The following ISM1 variants were observed in gnomAD, a reference collection of about 807,000 sequenced individuals.
ISM1 encodes the protein isthmin-1.
Under a neutral mutation model 46.3 loss-of-function variants are expected in ISM1, and 25 were observed. The observed-to-expected ratio is 0.54, with a 90% CI of 0.39 to 0.75. The LOEUF is 0.75. ISM1 is among the 30% of genes least tolerant of loss of function. The pLI, the probability that ISM1 is intolerant of heterozygous loss-of-function variation, is 0.00. For missense variants in ISM1, 536 were observed against 625.4 expected (o/e 0.86, Z 1.52); for synonymous variants, 255 against 256.7 (o/e 0.99, Z 0.06).
chr20:13,257,332 T>C (rs1037066008), intron 1 of ISM1, among the ~76,000 whole-genome samples: 1 of 152,074 alleles, frequency 6.6e-6, no homozygotes. Context: ...CTGGCCAACA[T>C]GGTGAAAACC....
chr20:13,221,824 G>A lies in ISM1; in HGVS notation c.48G>A (p.Leu16=). The A allele has an allele frequency of 6.9e-7, 1 of 1,458,698 alleles. No homozygotes were observed. The highest frequency in any genetic ancestry group is 9.0e-7 in the Non-Finnish European group (1 of 1,111,266). 90.4% of individuals were successfully genotyped at this position (1,458,698 alleles called of 1,614,324 possible). A position where few individuals can be genotyped will look rare whatever the true frequency, so the allele number is the denominator to read the frequency against. The part of the protein sequence containing the change: ...AELLLLLGLL[L]LTLHITVLRG... The stretch of plus-strand genomic sequence containing the variant: ...TGCTGCTGCTGCTGGGGCTGCTGCT[G>A]CTCACGCTGCACATCACCGTGCTGC... The change falls in exon 1 of 6, where the codon CTG becomes CTA. Residue 16 remains leucine, a synonymous_variant. Transcript: ENST00000262487.
In ISM1 at chr20:13,279,840, G is replaced by A; in HGVS notation, c.585G>A (p.Gly195=). Reference sequence around the variant, plus strand: ...GCAACTTCCTCAACCCCCCCAGGGGGTGGGACCATACAGCCCCAGGCCACC... The same window carrying A: ...GCAACTTCCTCAACCCCCCCAGGGGATGGGACCATACAGCCCCAGGCCACC... ...DDSNFLNPPR[G]WDHTAPGHRT... is the part of the protein sequence containing the mutation. The change falls in exon 3 of 6, where the codon GGG becomes GGA. Residue 195 remains glycine (G), a synonymous_variant. Coordinates refer to ENST00000262487, the MANE Select transcript of ISM1 (RefSeq NM_080826.2). 3 of 1,613,964 alleles carry A rather than the reference G, an allele frequency of 1.9e-6. No homozygotes were observed. Among genetic ancestry groups the A allele is most frequent in the East Asian group, 2.2e-5 (1 of 44,876 alleles).
chr20:13,288,807 C>A, intron 4 of ISM1, 124 bp downstream of exon 4: 2 of 963,022 alleles, frequency 2.1e-6, no homozygotes, highest in Non-Finnish European at 3.0e-6. Flanking sequence ...TTTTTTGAGA[C>A]GGAGTCTCTC....
the ISM1 span, among the ~76,000 whole-genome samples, chr20:13,307,637 C>T: frequency 6.6e-6 from 1 of 152,314 alleles, no homozygotes; most frequent in African/African-American, 2.4e-5. Context: ...ATGAATTTTA[C>T]ACCAGATTAG....
At position 13,225,076 on chromosome 20, in the gene ISM1, C is replaced by A. The variant is rs370634596; in HGVS notation, c.138+3162C>A. 1.6e-3 allele frequency among the ~76,000 whole-genome samples: 245 copies of A among 150,326 alleles called. 1 individual carries two copies. The highest frequency in any genetic ancestry group is 0.014 in the East Asian group (72 of 5,094). On this transcript the variant is annotated intron_variant, in intron 1 of 5. Coordinates refer to ENST00000262487, the MANE Select transcript of ISM1 (RefSeq NM_080826.2). ...CACCGTGTTAGCCAGGATGGTCTCACTCTCCTGACCTCATGATCCGCCCGC... is the reference window on the plus strand; with the variant it reads ...CACCGTGTTAGCCAGGATGGTCTCAATCTCCTGACCTCATGATCCGCCCGC...
At chr20:13,271,427 C>G (rs2040114351) in intron 2 of ISM1, among the ~76,000 whole-genome samples, 1 of 152,186 alleles carries the variant, frequency 6.6e-6, no homozygotes, top group African/African-American at 2.4e-5. Context: ...CTCACCTACA[C>G]TGAAATAGCT....
chr20:13,324,851 A>T, the ISM1 span, among the ~76,000 whole-genome samples: 2 of 152,186 alleles, frequency 1.3e-5, no homozygotes, highest in Non-Finnish European at 2.9e-5. Flanking sequence ...TAAGTTTCTT[A>T]TTTTCTGGAT....
chr20:13,252,489 A>G (rs543238122), intron 1 of ISM1, among the ~76,000 whole-genome samples: 25 of 152,238 alleles, frequency 1.6e-4, no homozygotes, highest in Admixed American at 1.6e-3. Flanking sequence ...AGTGGCTCAC[A>G]CCTGTAATCC....
chr20:13,316,835 G>A, the ISM1 span, among the ~76,000 whole-genome samples: 1 of 151,634 alleles, frequency 6.6e-6, no homozygotes. Context: ...TTAATACTTA[G>A]CGGTAAGAAA....
At chr20:13,316,564 T>C in the ISM1 span, among the ~76,000 whole-genome samples, 171 of 151,956 alleles carry the variant, frequency 1.1e-3, no homozygotes, top group Admixed American at 1.8e-3. Context: ...TCAAATCCAG[T>C]AATGGACAAA....
intron 3 of ISM1, among the ~76,000 whole-genome samples, chr20:13,282,617 G>A (rs1214330297): frequency 6.6e-6 from 1 of 152,092 alleles, no homozygotes; most frequent in Non-Finnish European, 1.5e-5. Flanking sequence ...GCATGCCTGG[G>A]CCATGGAGAA....
At chr20:13,228,304 C>G (rs944310307) in intron 1 of ISM1, among the ~76,000 whole-genome samples, 1 of 152,052 alleles carries the variant, frequency 6.6e-6, no homozygotes, top group African/African-American at 2.4e-5. Context: ...ATACTTTCAT[C>G]TTTTATTTTG....
intron 3 of ISM1, among the ~76,000 whole-genome samples, chr20:13,283,739 G>A (rs1464008620): frequency 2.0e-5 from 3 of 152,166 alleles, no homozygotes; most frequent in African/African-American, 7.2e-5. Context: ...TTCCAGAATT[G>A]TTTAGAATAG....
At chr20:13,255,944 C>A (rs561875744) in intron 1 of ISM1, among the ~76,000 whole-genome samples, 1 of 151,102 alleles carries the variant, frequency 6.6e-6, no homozygotes, top group Admixed American at 6.6e-5. Context: ...TTTGGTGTGA[C>A]TGCAGTTATA....
chr20:13,288,402 C>G, intron 3 of ISM1, 138 bp from the exon 4 acceptor site: 2 of 888,352 alleles, frequency 2.3e-6, no homozygotes, highest in Admixed American at 2.7e-5. Context: ...AACCTTTTAG[C>G]TCCAGCTGAA....
intron 1 of ISM1, among the ~76,000 whole-genome samples, chr20:13,265,358 T>A (rs2040031619): frequency 6.6e-6 from 1 of 152,224 alleles, no homozygotes; most frequent in Non-Finnish European, 1.5e-5. Context: ...AATACCTACC[T>A]CAAATGGTAA....
chr20:13,295,118 G>C (rs1363707179), intron 5 of ISM1, among the ~76,000 whole-genome samples: 1 of 152,166 alleles, frequency 6.6e-6, no homozygotes, highest in Admixed American at 6.5e-5. Flanking sequence ...TCCTGGGTCA[G>C]AGCTGGAGTC....
At chr20:13,241,753 A>C (rs1426827579) in intron 1 of ISM1, among the ~76,000 whole-genome samples, 2 of 152,170 alleles carry the variant, frequency 1.3e-5, no homozygotes, top group Non-Finnish European at 2.9e-5. Flanking sequence ...AACAGTGCTT[A>C]GTATTCATTT....
At chr20:13,238,050 C>A (rs1427044444) in intron 1 of ISM1, 1 of 152,254 alleles carries the variant, frequency 6.6e-6, no homozygotes, top group East Asian at 1.9e-4. Flanking sequence ...TCCTTCAAAG[C>A]TCAATTGTAG....
Sources: gnomAD v4.1 joint callset for allele counts (sites outside exome capture counted in the v4.1 genomes callset) on GRCh38, gnomAD v4.1.1 for gene constraint, MANE v1.5 for transcripts, NCBI Gene and HGNC (gene_info 2026-07-23, HGNC 2026-07-21) for gene names.